The following FER variants were observed in gnomAD, a reference collection of about 807,000 sequenced individuals.
The protein encoded by FER is tyrosine-protein kinase Fer.
Under a neutral mutation model 111.0 loss-of-function variants are expected in FER, and 63 were observed. That is an observed-to-expected ratio of 0.57 (90% CI 0.46 to 0.70). FER has a LOEUF of 0.70. Among genes scored for constraint, FER ranks in the 30% least tolerant of loss-of-function variants. The pLI is 0.00. For synonymous variants in FER, 327 were observed against 313.9 expected (o/e 1.04, Z -0.44); for missense variants, 914 against 954.0 (o/e 0.96, Z 0.55).
At chr5:108,773,905 G>T (rs1561397327) in intron 2 of FER, among the ~76,000 whole-genome samples, 1 of 152,074 alleles carries the variant, frequency 6.6e-6, no homozygotes, top group African/African-American at 2.4e-5. Flanking sequence ...GTGTGAGATG[G>T]TATCTCATTG....
chr5:108,816,891 CAGG>C (rs1455826792), intron 3 of FER, among the ~76,000 whole-genome samples: 1 of 151,846 alleles, frequency 6.6e-6, no homozygotes, highest in Non-Finnish European at 1.5e-5. Flanking sequence ...CACTTGAGCG[CAGG>C]AGTTCAAGAT....
intron 13 of FER, among the ~76,000 whole-genome samples, chr5:109,035,518 G>A (rs1178184316): frequency 6.6e-6 from 1 of 152,162 alleles, no homozygotes; most frequent in African/African-American, 2.4e-5. Context: ...GTACCAAAAT[G>A]TGTTTATCAG....
chr5:108,893,181 G>GTT (rs1748443961), intron 9 of FER, among the ~76,000 whole-genome samples: 1 of 152,094 alleles, frequency 6.6e-6, no homozygotes, highest in Non-Finnish European at 1.5e-5. Flanking sequence ...GAACTTTAAA[G>GTT]TAGTTTTTTC....
intron 3 of FER, among the ~76,000 whole-genome samples, chr5:108,802,309 T>C (rs145829517): frequency 6.6e-6 from 1 of 152,156 alleles, no homozygotes; most frequent in Non-Finnish European, 1.5e-5. Flanking sequence ...TTAACAGTAT[T>C]GGGTCTTTCA....
chr5:108,795,394 C>CTT (rs1380392302), intron 2 of FER, among the ~76,000 whole-genome samples: 17 of 114,640 alleles, frequency 1.5e-4, no homozygotes, highest in Non-Finnish European at 1.5e-4. Context: ...TTTTTGTTTT[C>CTT]TTTTTTTTTT....
At chr5:108,959,469 T>C in intron 13 of FER, 122 bp downstream of exon 13, 1 of 935,962 alleles carries the variant, frequency 1.1e-6, no homozygotes, top group Non-Finnish European at 1.5e-6. Flanking sequence ...AGTTTTGTTT[T>C]TGTTTTTCTA....
intron 10 of FER, among the ~76,000 whole-genome samples, chr5:108,928,397 T>C (rs1166320339): frequency 6.6e-6 from 1 of 152,210 alleles, no homozygotes; most frequent in Non-Finnish European, 1.5e-5. Context: ...TTTAAAGCTA[T>C]GTATATATTT....
Position 109,074,353 on chromosome 5 carries a change from A to C in FER, c.1925-26043A>C, listed in dbSNP as rs562409969. 2.2e-3 allele frequency among the ~76,000 whole-genome samples: 332 copies of C among 152,346 alleles called. 2 individuals carry two copies. Among genetic ancestry groups the C allele is most frequent in the African/African-American group, 7.3e-3 (302 of 41,582 alleles). ...AATCACAGCCCTATAGTGAAACCAG[A>C]GTAGAGCTGTTATATCAAAAGATAC... On this transcript the variant is annotated intron_variant, in intron 16 of 19. Coordinates refer to ENST00000281092, the MANE Select transcript of FER (RefSeq NM_005246.4).
intron 5 of FER, among the ~76,000 whole-genome samples, chr5:108,865,356 T>G (rs923483800): frequency 6.6e-6 from 1 of 152,176 alleles, no homozygotes; most frequent in Non-Finnish European, 1.5e-5. Flanking sequence ...TTCCTTCTCC[T>G]GCCTGATTGC....
chr5:109,153,691 A>G (rs1245629087), intron 17 of FER, among the ~76,000 whole-genome samples: 3 of 151,890 alleles, frequency 2.0e-5, no homozygotes, highest in Admixed American at 1.3e-4. Flanking sequence ...AATCCTCACT[A>G]TGAGGCAAGT....
At chr5:108,894,584 G>A (rs1581094053) in intron 9 of FER, 3 of 400,702 alleles carry the variant, frequency 7.5e-6, no homozygotes, top group Non-Finnish European at 1.5e-5. Context: ...TGAGTTCCAC[G>A]ACCACATGCT....
At chr5:108,929,148 G>A (rs1033173413) in intron 10 of FER, among the ~76,000 whole-genome samples, 1 of 152,028 alleles carries the variant, frequency 6.6e-6, no homozygotes, top group Admixed American at 6.6e-5. Context: ...CGGGTAAGAT[G>A]TTTCTATATT....
At chr5:109,068,127 G>A (rs1775333704) in intron 16 of FER, among the ~76,000 whole-genome samples, 1 of 151,510 alleles carries the variant, frequency 6.6e-6, no homozygotes, top group Non-Finnish European at 1.5e-5. Context: ...AACTGAGAAA[G>A]CCCAGTGGGA....
At chr5:109,048,947 T>G (rs568844074) in intron 16 of FER, among the ~76,000 whole-genome samples, 45 of 152,338 alleles carry the variant, frequency 3.0e-4, no homozygotes, top group South Asian at 6.2e-4. Flanking sequence ...TTTGTGGATT[T>G]ACATAATTTA....
intron 17 of FER, among the ~76,000 whole-genome samples, chr5:109,121,812 G>T (rs888940268): frequency 2.0e-5 from 3 of 152,022 alleles, no homozygotes; most frequent in East Asian, 3.9e-4. Context: ...TTTCTTCATG[G>T]TTCAATCTTG....
At chr5:109,084,964 G>C (rs973148457) in intron 16 of FER, among the ~76,000 whole-genome samples, 1 of 151,710 alleles carries the variant, frequency 6.6e-6, no homozygotes, top group African/African-American at 2.4e-5. Context: ...ACCAAAAACC[G>C]TACTTTCTTG....
intron 17 of FER, among the ~76,000 whole-genome samples, chr5:109,160,312 A>G (rs1755856510): frequency 6.6e-6 from 1 of 152,202 alleles, no homozygotes; most frequent in South Asian, 2.1e-4. Flanking sequence ...TTCATGAGGC[A>G]TCCTGTCCAC....
intron 10 of FER, among the ~76,000 whole-genome samples, chr5:108,931,650 T>G (rs918707161): frequency 6.6e-6 from 1 of 152,034 alleles, no homozygotes; most frequent in Non-Finnish European, 1.5e-5. Flanking sequence ...GCCAACATGG[T>G]GAAACCCCGT....
In FER at chr5:109,188,363, T is replaced by C. The variant is rs1759106519; in HGVS notation, c.*788T>C. ...TCAGGAGTTCGAGACCAGCCTGGCTTGCATGGTGAAACCCTGTCTCTACCA... is the reference window on the plus strand; with the variant it reads ...TCAGGAGTTCGAGACCAGCCTGGCTCGCATGGTGAAACCCTGTCTCTACCA... On this transcript the variant is annotated 3_prime_UTR_variant, in exon 20 of 20. Coordinates refer to ENST00000281092, the MANE Select transcript of FER (RefSeq NM_005246.4). The C allele has an allele frequency of 2.1e-5, 3 of 140,094 alleles. No individual in the cohort carries two copies. The Admixed American group carries it at 2.2e-4, about 10-fold the overall frequency. The allele number at this position is 140,094 out of a possible 1,614,324, so 8.7% of individuals were successfully genotyped here. A position where few individuals can be genotyped will look rare whatever the true frequency, so the allele number is the denominator to read the frequency against.
Sources: allele counts gnomAD v4.1 joint callset (sites outside exome capture counted in the v4.1 genomes callset), GRCh38; gene constraint gnomAD v4.1.1; transcripts MANE v1.5; gene names NCBI Gene and HGNC (gene_info 2026-07-23, HGNC 2026-07-21).